Variants in ERBB4 observed in about 807,000 individuals in gnomAD.
The protein encoded by ERBB4 is receptor tyrosine-protein kinase erbB-4.
Under a neutral mutation model 158.0 loss-of-function variants are expected in ERBB4, and 42 were observed. The ratio of observed to expected loss-of-function variants is 0.27; its 90% CI spans 0.21 to 0.34. The LOEUF (loss-of-function observed/expected upper bound fraction) is 0.34. Ranked by LOEUF, ERBB4 falls within the 10% of genes least tolerant of loss-of-function variation. The probability of loss-of-function intolerance (pLI) is 1.00; values close to 1 mark genes in which losing one functional copy is unlikely to be tolerated. For synonymous variants in ERBB4, 583 were observed against 558.7 expected (o/e 1.04, Z -0.61); for missense variants, 1,333 against 1,624.1 (o/e 0.82, Z 3.08).
At chr2:211,920,181 A>G (rs181270378) in intron 3 of ERBB4, among the ~76,000 whole-genome samples, 37 of 152,130 alleles carry the variant, frequency 2.4e-4, no homozygotes, top group African/African-American at 8.9e-4. Context: ...CAAGTAATCA[A>G]TAAATTATGT....
chr2:212,312,077 G>A (rs1329953457), intron 1 of ERBB4, among the ~76,000 whole-genome samples: 2 of 150,942 alleles, frequency 1.3e-5, no homozygotes, highest in African/African-American at 2.4e-5. Flanking sequence ...TGAAGAAAGC[G>A]AAGATTTTTC....
rs544671559 is a variant in ERBB4, at chr2:211,808,923, CTGTT to C, written c.422-20768_422-20765del. 3.2e-4 allele frequency among the ~76,000 whole-genome samples: 49 copies of C among 152,232 alleles called. No individual in the cohort carries two copies. The East Asian group carries it at 8.1e-3, about 25-fold the overall frequency. On this transcript the variant is annotated intron_variant, in intron 3 of 27. Coordinates refer to ENST00000342788, the MANE Select transcript of ERBB4 (RefSeq NM_005235.3). ...GGCAGTTCACTCATGATTTGGCTCT[CTGTT>C]TGTCTGTTATTGGTGTACAGGAATG...
At chr2:212,190,713 C>T (rs1053376641) in intron 1 of ERBB4, among the ~76,000 whole-genome samples, 1 of 152,056 alleles carries the variant, frequency 6.6e-6, no homozygotes, top group African/African-American at 2.4e-5. Context: ...AGAAGAAACC[C>T]TGTTAATCTA....
intron 1 of ERBB4, among the ~76,000 whole-genome samples, chr2:212,390,644 AT>A (rs1192791049): frequency 2.0e-5 from 3 of 151,884 alleles, no homozygotes; most frequent in Admixed American, 6.6e-5. Flanking sequence ...AGATTATAAT[AT>A]CTAATACATA....
chr2:211,391,617 T>A (rs1216304429), intron 25 of ERBB4, among the ~76,000 whole-genome samples: 4 of 152,158 alleles, frequency 2.6e-5, no homozygotes, highest in Non-Finnish European at 5.9e-5. Flanking sequence ...TAACTTGGAC[T>A]TAAATGCCAG....
At chr2:211,697,942 T>C (rs2073085390) in intron 12 of ERBB4, among the ~76,000 whole-genome samples, 1 of 152,144 alleles carries the variant, frequency 6.6e-6, no homozygotes, top group Admixed American at 6.5e-5. Context: ...ATGGCAGTAG[T>C]GATGATATAA....
intron 1 of ERBB4, among the ~76,000 whole-genome samples, chr2:212,383,696 G>T (rs1182755761): frequency 1.3e-5 from 2 of 151,636 alleles, no homozygotes; most frequent in African/African-American, 2.4e-5. Context: ...GAACAAAACT[G>T]AAGAAAGCTT....
At chr2:212,246,799 T>A (rs767272081) in intron 1 of ERBB4, among the ~76,000 whole-genome samples, 1 of 152,180 alleles carries the variant, frequency 6.6e-6, no homozygotes, top group African/African-American at 2.4e-5. Context: ...AGTGTAAATA[T>A]AGACAGCAGC....
In ERBB4 at chr2:211,403,005, C is replaced by T. The variant is rs187560651; in HGVS notation, c.3136-15013G>A. Among the ~76,000 whole-genome samples the T allele has an allele frequency of 2.2e-4, 33 of 152,084 alleles. 1 individual carries two copies. The highest frequency in any genetic ancestry group is 3.5e-4 in the Non-Finnish European group (24 of 67,986). Reference sequence around the variant, plus strand: ...CTTCAGTTATAGGCCTGATGAAGAACCCAAGTCATAGATTCACATGATTTG... The same window carrying T: ...CTTCAGTTATAGGCCTGATGAAGAATCCAAGTCATAGATTCACATGATTTG... On this transcript the variant is annotated intron_variant, in intron 25 of 27. Coordinates refer to ENST00000342788, the MANE Select transcript of ERBB4 (RefSeq NM_005235.3).
intron 5 of ERBB4, among the ~76,000 whole-genome samples, chr2:211,739,798 T>A (rs2074729915): frequency 6.6e-6 from 1 of 152,116 alleles, no homozygotes; most frequent in Admixed American, 6.6e-5. Context: ...AATGTATTTT[T>A]AAGATATTCT....
intron 2 of ERBB4, among the ~76,000 whole-genome samples, chr2:212,042,367 A>G (rs1447132096): frequency 2.0e-5 from 3 of 152,080 alleles, no homozygotes; most frequent in Non-Finnish European, 4.4e-5. Flanking sequence ...ATTCTACCTG[A>G]AATATAGCCA....
chr2:212,369,763 G>A (rs1166635600), intron 1 of ERBB4, among the ~76,000 whole-genome samples: 2 of 152,042 alleles, frequency 1.3e-5, no homozygotes, highest in South Asian at 4.1e-4. Context: ...TAAGATCATA[G>A]CTCAAAGCAG....
chr2:211,903,120 C>A (rs1384050229), intron 3 of ERBB4, among the ~76,000 whole-genome samples: 1 of 151,634 alleles, frequency 6.6e-6, no homozygotes, highest in Non-Finnish European at 1.5e-5. Context: ...TTTCCCTCCA[C>A]ATTTGCCACA....
At chr2:212,459,273 C>T (rs937194352) in intron 1 of ERBB4, among the ~76,000 whole-genome samples, 3 of 151,800 alleles carry the variant, frequency 2.0e-5, no homozygotes, top group African/African-American at 4.8e-5. Context: ...TTTCCCCATA[C>T]ACAACTGTCA....
chr2:211,815,416 C>G (rs1575186765), intron 3 of ERBB4, among the ~76,000 whole-genome samples: 1 of 152,300 alleles, frequency 6.6e-6, no homozygotes, highest in East Asian at 1.9e-4. Flanking sequence ...AAAAATTCAG[C>G]AGTTCACCTT....
chr2:211,715,895 A>T (rs2073879469), intron 7 of ERBB4, among the ~76,000 whole-genome samples: 2 of 152,196 alleles, frequency 1.3e-5, no homozygotes, highest in African/African-American at 4.8e-5. Flanking sequence ...CATCTTGGGA[A>T]ATGCGTTACA....
chr2:211,750,055 C>CTATA (rs1240577548), intron 5 of ERBB4, among the ~76,000 whole-genome samples: 2 of 151,868 alleles, frequency 1.3e-5, no homozygotes, highest in Non-Finnish European at 2.9e-5. Flanking sequence ...TGCTTTGTTA[C>CTATA]TATATGTCTT....
intron 19 of ERBB4, among the ~76,000 whole-genome samples, chr2:211,587,253 G>T (rs1408427583): frequency 6.6e-6 from 1 of 152,042 alleles, no homozygotes; most frequent in African/African-American, 2.4e-5. Flanking sequence ...CTACTTGGGA[G>T]GCTGAGGCAA....
chr2:212,490,985 A>AT (rs1166765846), intron 1 of ERBB4, among the ~76,000 whole-genome samples: 1 of 151,578 alleles, frequency 6.6e-6, no homozygotes, highest in Non-Finnish European at 1.5e-5. Context: ...GTCTAAACTG[A>AT]TTTTTTTCAG....
Sources: allele counts gnomAD v4.1 joint callset (sites outside exome capture counted in the v4.1 genomes callset), GRCh38; gene constraint gnomAD v4.1.1; transcripts MANE v1.5; gene names NCBI Gene and HGNC (gene_info 2026-07-23, HGNC 2026-07-21).